Variants in ARL13B observed in about 807,000 individuals in gnomAD.
ARL13B encodes ADP-ribosylation factor-like protein 13B.
In ARL13B, 36 loss-of-function variants were observed where a neutral mutation model predicts 56.1. The ratio of observed to expected loss-of-function variants is 0.64; its 90% confidence interval spans 0.49 to 0.85. The LOEUF is 0.85. ARL13B is among the 40% of genes least tolerant of loss of function. The pLI, the probability that ARL13B is intolerant of heterozygous loss-of-function variation, is 0.00. For synonymous variants in ARL13B, 178 were observed against 171.1 expected (o/e 1.04, Z -0.32); for missense variants, 519 against 507.1 (o/e 1.02, Z -0.23).
At chr3:94,019,910 A>G (rs2076413066) in intron 3 of ARL13B, among the ~76,000 whole-genome samples, 1 of 152,060 alleles carries the variant, frequency 6.6e-6, no homozygotes, top group Non-Finnish European at 1.5e-5. Flanking sequence ...TTTTTCCCCA[A>G]CCCAGTCCTT....
chr3:93,987,171 T>TA (rs397705383), intron 1 of ARL13B, among the ~76,000 whole-genome samples: 19 of 151,668 alleles, frequency 1.3e-4, no homozygotes, highest in African/African-American at 4.1e-4. Flanking sequence ...TTTTTTTTTT[T>TA]AAATAGAGAC....
chr3:94,039,736 T>A (rs2076830346), intron 5 of ARL13B, 144 bp from the exon 6 acceptor site: 9 of 664,930 alleles, frequency 1.4e-5, no homozygotes, highest in Non-Finnish European at 2.3e-5. Flanking sequence ...TGCATAAGGA[T>A]TTTTGAAATG....
chr3:94,044,049 T>G (rs570563998), intron 7 of ARL13B, among the ~76,000 whole-genome samples: 5 of 152,200 alleles, frequency 3.3e-5, no homozygotes, highest in African/African-American at 1.2e-4. Flanking sequence ...CCCAAAGTGC[T>G]AAGATTACAG....
At chr3:94,027,645 A>G (rs1331947149) in intron 3 of ARL13B, among the ~76,000 whole-genome samples, 1 of 152,102 alleles carries the variant, frequency 6.6e-6, no homozygotes, top group African/African-American at 2.4e-5. Context: ...AATATTTATT[A>G]AATTCTAACA....
chr3:93,989,419 T>C (rs543409134), intron 1 of ARL13B, among the ~76,000 whole-genome samples: 1 of 152,024 alleles, frequency 6.6e-6, no homozygotes, highest in Non-Finnish European at 1.5e-5. Flanking sequence ...CGGGGATGGT[T>C]GTGAAGGGCT....
intron 1 of ARL13B, among the ~76,000 whole-genome samples, chr3:93,991,040 GT>G (rs1190728381): frequency 1.3e-5 from 2 of 152,124 alleles, no homozygotes. Flanking sequence ...TTGTATTTAT[GT>G]TTTAGTCACT....
chr3:94,032,824 A>C (rs1444842476), intron 3 of ARL13B, among the ~76,000 whole-genome samples: 1 of 152,216 alleles, frequency 6.6e-6, no homozygotes, highest in Non-Finnish European at 1.5e-5. Flanking sequence ...AGACCTAAAA[A>C]AAGAACTACC....
At chr3:93,991,041 T>C (rs575932347) in intron 1 of ARL13B, among the ~76,000 whole-genome samples, 22 of 152,276 alleles carry the variant, frequency 1.4e-4, no homozygotes, top group African/African-American at 4.8e-4. Flanking sequence ...TGTATTTATG[T>C]TTTAGTCACT....
At chr3:94,041,722 A>G (rs2076865356) in intron 6 of ARL13B, among the ~76,000 whole-genome samples, 1 of 152,168 alleles carries the variant, frequency 6.6e-6, no homozygotes, top group Non-Finnish European at 1.5e-5. Flanking sequence ...AATAATGAGA[A>G]TCTAATAGAA....
At chr3:93,997,599 G>T (rs181833521) in intron 2 of ARL13B, among the ~76,000 whole-genome samples, 1 of 152,312 alleles carries the variant, frequency 6.6e-6, no homozygotes, top group East Asian at 1.9e-4. Context: ...TCTGTAAAGA[G>T]CTGAGTAGTA....
chr3:94,038,623 A>C (rs1182571156), intron 5 of ARL13B, among the ~76,000 whole-genome samples: 4 of 146,918 alleles, frequency 2.7e-5, no homozygotes, highest in Non-Finnish European at 4.4e-5. Context: ...TCCCAGGTTC[A>C]AGCGATTCTC....
intron 3 of ARL13B, among the ~76,000 whole-genome samples, chr3:94,005,826 A>C (rs973999657): frequency 1.3e-5 from 2 of 152,204 alleles, no homozygotes; most frequent in Non-Finnish European, 2.9e-5. Flanking sequence ...TAAATTTCAA[A>C]GATAGAGGGA....
At chr3:94,031,673 CA>C (rs1383524015) in intron 3 of ARL13B, among the ~76,000 whole-genome samples, 2 of 152,056 alleles carry the variant, frequency 1.3e-5, no homozygotes, top group African/African-American at 4.8e-5. Context: ...GAAAAAGTAC[CA>C]AAAAGCCTGA....
At chr3:94,013,410 T>C (rs915931982) in intron 3 of ARL13B, among the ~76,000 whole-genome samples, 1 of 152,366 alleles carries the variant, frequency 6.6e-6, no homozygotes, top group Non-Finnish European at 1.5e-5. Context: ...TAGTATAGTA[T>C]AGCATTATCT....
In ARL13B at chr3:94,055,678, A is replaced by G. The variant is rs1300780929; in HGVS notation, c.*2415A>G. On this transcript the variant is annotated 3_prime_UTR_variant, in exon 10 of 10. Coordinates refer to ENST00000394222, the MANE Select transcript of ARL13B (RefSeq NM_001174150.2). ...ATATAAAACTATGCATAGAAACAACACTAGAAAGAAATGTAGTTTGGCTTA... is the reference window on the plus strand; with the variant it reads ...ATATAAAACTATGCATAGAAACAACGCTAGAAAGAAATGTAGTTTGGCTTA... 4.5e-6 allele frequency: 2 copies of G among 447,844 alleles called. No individual in the cohort carries two copies. The highest frequency in any genetic ancestry group is 4.0e-5 in the African/African-American group (2 of 49,912). The allele number at this position is 447,844 out of a possible 1,614,324, so 27.7% of individuals were successfully genotyped here.
chr3:94,006,268 C>A (rs868357370), intron 3 of ARL13B, among the ~76,000 whole-genome samples: 2 of 152,102 alleles, frequency 1.3e-5, no homozygotes, highest in Non-Finnish European at 2.9e-5. Context: ...TGCACTCCAG[C>A]CTGGGCGACA....
At chr3:93,997,719 C>G (rs548882143) in intron 2 of ARL13B, among the ~76,000 whole-genome samples, 6 of 152,184 alleles carry the variant, frequency 3.9e-5, no homozygotes, top group Non-Finnish European at 8.8e-5. Context: ...CACGGTGGCT[C>G]ACACCTGTAA....
intron 1 of ARL13B, chr3:93,988,650 T>C: frequency 2.0e-6 from 1 of 497,658 alleles, no homozygotes; most frequent in Non-Finnish European, 4.0e-6. Flanking sequence ...ACTTGGCTTC[T>C]TTCTCTCCTG....
In ARL13B at chr3:94,029,350, T is replaced by TTA. The variant is rs1491224232; in HGVS notation, c.381-5980_381-5979insAT. Among the ~76,000 whole-genome samples the TTA allele has an allele frequency of 2.7e-4, 27 of 99,296 alleles. 1 individual carries two copies. The South Asian group carries it at 5.7e-3, about 21-fold the overall frequency. 65.1% of individuals were successfully genotyped at this position (99,296 alleles called of 152,430 possible). ...TATATATATATTTATTTTTTTTTTATTTTTTTTTTTTTTTGAGAAGGAGTC... is the reference window on the plus strand; with the variant it reads ...TATATATATATTTATTTTTTTTTTATTATTTTTTTTTTTTTTGAGAAGGAGTC... On this transcript the variant is annotated intron_variant, in intron 3 of 9. Transcript: ENST00000394222.
Sources: allele counts gnomAD v4.1 joint callset (sites outside exome capture counted in the v4.1 genomes callset), GRCh38; gene constraint gnomAD v4.1.1; transcripts MANE v1.5; gene names NCBI Gene and HGNC (gene_info 2026-07-23, HGNC 2026-07-21).